MTCL1: variants seen among roughly 807,000 people sequenced by gnomAD.
MTCL1 encodes the protein microtubule cross-linking factor 1.
Under a neutral mutation model 141.4 loss-of-function variants are expected in MTCL1, and 79 were observed. That is an observed-to-expected ratio of 0.56 (90% CI 0.47 to 0.67). MTCL1 has a LOEUF of 0.67. Ranked by LOEUF, MTCL1 falls within the 30% of genes least tolerant of loss-of-function variation. The pLI is 0.00. For missense variants in MTCL1, 2,177 were observed against 2,113.9 expected (o/e 1.03, Z -0.59); for synonymous variants, 914 against 875.8 (o/e 1.04, Z -0.77).
exon 4 of MTCL1, chr18:8,720,399 C>A (rs374627418): frequency 1.9e-6 from 3 of 1,614,044 alleles, no homozygotes; most frequent in Non-Finnish European, 8.5e-7. Context: ...GAAAAGCGCG[C>A]TAAAGCTGAG....
chr18:8,825,160 GCAGAGC>G (rs2076977288), exon 15 of MTCL1: 23 of 1,582,246 alleles, frequency 1.5e-5, no homozygotes, highest in Non-Finnish European at 1.7e-5. Context: ...TTTCCCACAA[GCAGAGC>G]CAGAGGGAGC....
At chr18:8,812,719 G>A (rs1568085086) in intron 11 of MTCL1, 1 of 448,228 alleles carries the variant, frequency 2.2e-6, no homozygotes, top group Non-Finnish European at 4.0e-6. Context: ...ACAGGCAAGA[G>A]ATAGTGGTGA....
At chr18:8,713,560 C>T (rs2096107648), upstream of MTCL1, among the ~76,000 whole-genome samples, 1 of 152,214 alleles carries the variant, frequency 6.6e-6, no homozygotes, top group African/African-American at 2.4e-5. Context: ...TCCATCATGA[C>T]CCTAATTCCA....
intron 4 of MTCL1, among the ~76,000 whole-genome samples, chr18:8,759,050 C>CGGGGAT (rs2096416989): frequency 6.6e-6 from 1 of 152,122 alleles, no homozygotes; most frequent in Non-Finnish European, 1.5e-5. Context: ...TGGAGGAAAA[C>CGGGGAT]GGGGATGTTG....
At chr18:8,727,925 C>G (rs2096227189) in intron 4 of MTCL1, among the ~76,000 whole-genome samples, 1 of 139,842 alleles carries the variant, frequency 7.2e-6, no homozygotes, top group African/African-American at 2.6e-5. Context: ...TTTGACTTCT[C>G]TTTGAGTTTT....
intron 4 of MTCL1, among the ~76,000 whole-genome samples, chr18:8,773,030 ACAT>A (rs2096491256): frequency 1.3e-5 from 2 of 152,226 alleles, no homozygotes; most frequent in South Asian, 2.1e-4. Flanking sequence ...GCATATCAAA[ACAT>A]CATGTTGTGT....
At chr18:8,739,097 T>C (rs1458910911) in intron 4 of MTCL1, among the ~76,000 whole-genome samples, 1 of 152,082 alleles carries the variant, frequency 6.6e-6, no homozygotes, top group East Asian at 1.9e-4. Context: ...TTAAAAAAAT[T>C]AGCCAGGTGT....
At chr18:8,831,526 T>C (rs2077190826) in intron 16 of MTCL1, 81 bp from the exon 15 acceptor site, 2 of 1,518,866 alleles carry the variant, frequency 1.3e-6, no homozygotes, top group East Asian at 4.9e-5. Context: ...CTTGAGTCTG[T>C]TGAGAAGTGT....
intron 16 of MTCL1, chr18:8,829,181 G>C (rs1396837908): frequency 2.0e-5 from 20 of 985,296 alleles, no homozygotes; most frequent in Non-Finnish European, 2.2e-5. Flanking sequence ...TGCAAAGAAG[G>C]GTTTTTAGGT....
At chr18:8,793,462 T>C (rs1286785545) in intron 8 of MTCL1, among the ~76,000 whole-genome samples, 1 of 152,254 alleles carries the variant, frequency 6.6e-6, no homozygotes, top group Non-Finnish European at 1.5e-5. Flanking sequence ...CCTCTGCTGA[T>C]GTTGGGTGAA....
At chr18:8,744,218 A>AGCGGCGGAAAG in intron 4 of MTCL1, among the ~76,000 whole-genome samples, 1 of 152,248 alleles carries the variant, frequency 6.6e-6, no homozygotes, top group Non-Finnish European at 1.5e-5. Flanking sequence ...GCCGCTAGCT[A>AGCGGCGGAAAG]GGTGCATGCG....
intron 10 of MTCL1, among the ~76,000 whole-genome samples, chr18:8,802,662 A>C (rs1487773797): frequency 6.6e-6 from 1 of 152,244 alleles, no homozygotes; most frequent in Admixed American, 6.5e-5. Flanking sequence ...GAACCTGTTA[A>C]AAAGTTTGAC....
intron 1 of MTCL1, among the ~76,000 whole-genome samples, chr18:8,710,081 C>T (rs1003085674): frequency 6.6e-6 from 1 of 152,218 alleles, no homozygotes; most frequent in African/African-American, 2.4e-5. Context: ...TTCAGGTGAT[C>T]TGCCCGCCTC....
intron 4 of MTCL1, among the ~76,000 whole-genome samples, chr18:8,737,289 G>C (rs1227245203): frequency 1.3e-5 from 2 of 152,204 alleles, no homozygotes; most frequent in Non-Finnish European, 2.9e-5. Flanking sequence ...GCTCTGTTTT[G>C]ACATTTAGTA....
At chr18:8,734,489 G>T (rs1432287817) in intron 4 of MTCL1, among the ~76,000 whole-genome samples, 1 of 151,980 alleles carries the variant, frequency 6.6e-6, no homozygotes, top group Non-Finnish European at 1.5e-5. Context: ...TTTCTGAAGG[G>T]TACCCTGCAT....
At chr18:8,825,801 A>G (rs753616206) in exon 15 of MTCL1, 2 of 1,614,156 alleles carry the variant, frequency 1.2e-6, no homozygotes, top group South Asian at 1.1e-5. Flanking sequence ...CACCACCACA[A>G]GGGAGAGCCC....
exon 11 of MTCL1, chr18:8,806,948 G>T (rs199934266): frequency 1.2e-6 from 2 of 1,613,732 alleles, no homozygotes; most frequent in South Asian, 1.1e-5. Context: ...GAGGACTTCC[G>T]TGCGGAGCTG....
exon 15 of MTCL1, chr18:8,824,895 C>G: frequency 6.2e-7 from 1 of 1,613,888 alleles, no homozygotes; most frequent in Non-Finnish European, 8.5e-7. Context: ...TGGTGGGGGG[C>G]CGGACCTTTG....
At chr18:8,808,876 G>A (rs2144155771) in intron 11 of MTCL1, among the ~76,000 whole-genome samples, 1 of 152,366 alleles carries the variant, frequency 6.6e-6, no homozygotes, top group Admixed American at 6.5e-5. Flanking sequence ...GTGCCCACAG[G>A]GCTTTTGCAC....
Sources: gnomAD v4.1 joint callset for allele counts (sites outside exome capture counted in the v4.1 genomes callset) on GRCh38, gnomAD v4.1.1 for gene constraint, MANE v1.5 for transcripts, NCBI Gene and HGNC (gene_info 2026-07-23, HGNC 2026-07-21) for gene names.